Variants in SMG1 observed in about 807,000 individuals in gnomAD.
SMG1 encodes serine/threonine-protein kinase SMG1.
SMG1 carries 22 observed loss-of-function variants against 419.9 expected under a neutral mutation model. That is an observed-to-expected ratio of 0.05 (90% CI 0.04 to 0.07). The LOEUF (loss-of-function observed/expected upper bound fraction) is 0.07. Among genes scored for constraint, SMG1 ranks in the 10% least tolerant of loss-of-function variants. The pLI, the probability that SMG1 is intolerant of heterozygous loss-of-function variation, is 1.00. For missense variants in SMG1, 3,185 were observed against 4,342.0 expected, an observed-to-expected ratio of 0.73 and a Z score of 7.49; for synonymous variants, 1,538 against 1,553.5, an observed-to-expected ratio of 0.99 and a Z score of 0.23.
rs774083734 is a variant in SMG1, at chr16:18,852,100, A to T, written c.5019T>A (p.Leu1673=). The T allele has an allele frequency of 1.8e-5, 29 of 1,613,246 alleles. No homozygotes were observed. The highest frequency in any genetic ancestry group is 2.3e-5 in the Non-Finnish European group (27 of 1,179,690). ...CCGCCGGCCGACACACAGCCTGTCCAAGAATACCATATATTCTCTCTTTCT... is the reference window on the plus strand; with the variant it reads ...CCGCCGGCCGACACACAGCCTGTCCTAGAATACCATATATTCTCTCTTTCT... The part of the protein sequence containing the change: ...EEEKERIYGI[L]GQAVCRPAGI... Residue 1673 remains leucine (L), a synonymous_variant, in exon 33 of 63, where the codon CTT becomes CTA. Coordinates refer to ENST00000446231, the MANE Select transcript of SMG1 (RefSeq NM_015092.5).
chr16:18,843,400 G>A (rs2034038473), intron 39 of SMG1, among the ~76,000 whole-genome samples: 1 of 152,168 alleles, frequency 6.6e-6, no homozygotes, highest in African/African-American at 2.4e-5. Context: ...AATAATCACA[G>A]GGAACAGACT....
intron 3 of SMG1, among the ~76,000 whole-genome samples, chr16:18,894,636 C>A (rs1159765202): frequency 2.8e-5 from 4 of 140,356 alleles, no homozygotes; most frequent in Non-Finnish European, 4.6e-5. Context: ...AAGCTACAGG[C>A]ACAAAGATTT....
chr16:18,855,808 T>C (rs571408037), intron 29 of SMG1, among the ~76,000 whole-genome samples: 1 of 152,328 alleles, frequency 6.6e-6, no homozygotes, highest in Admixed American at 6.5e-5. Context: ...AACTTGCAAT[T>C]GAAGTGACAT....
rs12930909 is a variant in SMG1 at position 18,877,118 on chromosome 16, A to G, written c.1620+13T>C. ...CTCAAGTTGTCAAAATTCATTATCA[A>G]TGTATTACTTACCTCTTTTTCTTTA... On this transcript the variant is annotated intron_variant, in intron 12 of 62. Coordinates refer to ENST00000446231, the MANE Select transcript of SMG1 (RefSeq NM_015092.5). 1.2e-5 allele frequency: 18 copies of G among 1,531,326 alleles called. No homozygotes were observed. Among genetic ancestry groups the G allele is most frequent in the Admixed American group, 1.9e-5 (1 of 52,654 alleles). The allele number at this position is 1,531,326 out of a possible 1,614,324, so 94.9% of individuals were successfully genotyped here. A position where few individuals can be genotyped will look rare whatever the true frequency, so the allele number is the denominator to read the frequency against.
chr16:18,818,402 AT>A (rs976644950), intron 56 of SMG1, among the ~76,000 whole-genome samples: 46 of 148,766 alleles, frequency 3.1e-4, no homozygotes, highest in Non-Finnish European at 5.4e-4. Flanking sequence ...AACAAAAAAA[AT>A]TTTTTTTTTG....
chr16:18,925,597 G>T lies in SMG1; in HGVS notation c.92+353C>A, dbSNP rs376544732. On this transcript the variant is annotated intron_variant, in intron 1 of 62. Transcript: ENST00000446231. ...TGAATGAGTAACAGGGAGGGTCCTG[G>T]ACTCTCAGCATCTCCCAACTCGGGG... The T allele has an allele frequency of 7.8e-4, 211 of 268,980 alleles. 1 individual carries two copies. Among genetic ancestry groups the T allele is most frequent in the South Asian group, 6.4e-3 (82 of 12,788 alleles). The allele number at this position is 268,980 out of a possible 1,614,324, so 16.7% of individuals were successfully genotyped here.
chr16:18,904,569 C>T (rs1340177909), intron 1 of SMG1, among the ~76,000 whole-genome samples: 3 of 151,874 alleles, frequency 2.0e-5, no homozygotes, highest in Admixed American at 2.0e-4. Context: ...ACCCAGGAGG[C>T]AGAGCTTGCA....
rs186353816 is a variant in SMG1 at position 18,829,825 on chromosome 16, T to C, written c.9134-70A>G. ...TAATATGCTGCTTATTTATAGTATTTAAGGTGTCATGAATGTATAATTAAA... is the reference window on the plus strand; with the variant it reads ...TAATATGCTGCTTATTTATAGTATTCAAGGTGTCATGAATGTATAATTAAA... On this transcript the variant is annotated intron_variant, in intron 53 of 62. Transcript: ENST00000446231. The C allele has an allele frequency of 9.3e-5, 135 of 1,459,080 alleles. 2 individuals are homozygous for C. The East Asian group carries it at 3.0e-3, about 32-fold the overall frequency. The allele number at this position is 1,459,080 out of a possible 1,614,324, so 90.4% of individuals were successfully genotyped here.
At chr16:18,861,700 TA>T (rs1485451688) in intron 25 of SMG1, among the ~76,000 whole-genome samples, 1 of 152,220 alleles carries the variant, frequency 6.6e-6, no homozygotes, top group African/African-American at 2.4e-5. Flanking sequence ...TAAAAGGTCC[TA>T]AGTCCTCTCC....
chr16:18,920,434 C>T (rs1315601821), intron 1 of SMG1, among the ~76,000 whole-genome samples: 1 of 148,600 alleles, frequency 6.7e-6, no homozygotes, highest in Non-Finnish European at 1.5e-5. Context: ...CTTAAAGATA[C>T]AATTACTAAG....
intron 5 of SMG1, among the ~76,000 whole-genome samples, chr16:18,890,228 T>C (rs987986474): frequency 1.2e-4 from 18 of 152,206 alleles, no homozygotes; most frequent in Non-Finnish European, 2.5e-4. Context: ...CTCCAAGCAG[T>C]TTCAAATTCT....
At chr16:18,846,613 T>C (rs1596510252) in intron 38 of SMG1, among the ~76,000 whole-genome samples, 1 of 152,018 alleles carries the variant, frequency 6.6e-6, no homozygotes, top group South Asian at 2.1e-4. Flanking sequence ...AATAAACACA[T>C]GAAAGGAAGC....
intron 55 of SMG1, 129 bp from the exon 56 acceptor site, chr16:18,819,783 G>T: frequency 1.1e-6 from 1 of 918,398 alleles, no homozygotes; most frequent in Non-Finnish European, 1.5e-6. Context: ...GAAAACAAAA[G>T]TTTTAACAAT....
In SMG1 at chr16:18,896,096, T is replaced by G. The variant is rs757178922; in HGVS notation, c.368A>C (p.His123Pro). The G allele has an allele frequency of 3.1e-6, 5 of 1,607,332 alleles. No homozygotes were observed. In the South Asian group the frequency reaches 4.4e-5, roughly 14 times the overall value. ...TTTGGTGGCTAAAGCACGACTGCCA[T>G]GCTGAACACTGGTGAACTCAGGGCT... Reference protein sequence around the residue: ...VTSPEFTSVQHGSRALATKDM... With the variant: ...VTSPEFTSVQPGSRALATKDM... Residue 123 changes from histidine to proline, a missense_variant, in exon 3 of 63, where the codon CAT (histidine) becomes CCT (proline). By Grantham distance (77) the His-to-Pro change is moderately conservative. Around this residue, in one of 27 missense-constraint regions of SMG1, gnomAD observed 42 missense variants for 100.1 expected, o/e 0.42. Coordinates refer to ENST00000446231, the MANE Select transcript of SMG1 (RefSeq NM_015092.5).
At chr16:18,857,997 T>G (rs2035007766) in intron 29 of SMG1, 173 bp downstream of exon 29, 4 of 453,890 alleles carry the variant, frequency 8.8e-6, no homozygotes, top group Admixed American at 8.7e-5. Flanking sequence ...CAAGGGAACC[T>G]TCTGGGGTAA....
In SMG1 at chr16:18,869,222, G is replaced by A. The variant is rs2035681249; in HGVS notation, c.2715C>T (p.Leu905=). The change falls in exon 20 of 63, where the codon CTC becomes CTT. Residue 905 remains leucine (L), a synonymous_variant. Coordinates refer to ENST00000446231, the MANE Select transcript of SMG1 (RefSeq NM_015092.5). ...GCCAAAGGACAGCATCTGTCTTCAG[G>A]AGATTGCGTGGAATTGTTGACTGGT... ...KRDQSTIPRN[L]LKTDAVLWQW... 4 of 1,611,782 alleles carry A rather than the reference G, an allele frequency of 2.5e-6. No individual in the cohort carries two copies. The highest frequency in any genetic ancestry group is 3.4e-6 in the Non-Finnish European group (4 of 1,179,686).
intron 39 of SMG1, 30 bp downstream of exon 39, chr16:18,845,399 T>C (rs2034201177): frequency 3.2e-6 from 5 of 1,574,520 alleles, no homozygotes; most frequent in Non-Finnish European, 4.4e-6. Flanking sequence ...GATGTGCCAT[T>C]TCAGTAGCAT....
At chr16:18,916,513 CAAAAAAAAAAAAAA>C (rs59985733) in intron 1 of SMG1, among the ~76,000 whole-genome samples, 1 of 68,926 alleles carries the variant, frequency 1.5e-5, no homozygotes, top group South Asian at 6.9e-4. Context: ...GACTCCATCT[CAAAAAAAAAAAAAA>C]AAAAAAAAAG....
intron 1 of SMG1, among the ~76,000 whole-genome samples, chr16:18,922,547 C>G (rs1218962523): frequency 6.6e-6 from 1 of 152,202 alleles, no homozygotes; most frequent in Non-Finnish European, 1.5e-5. Context: ...TCAGGACAAC[C>G]TCCGCCTCTC....
Sources: allele counts gnomAD v4.1 joint callset (sites outside exome capture counted in the v4.1 genomes callset), GRCh38; gene constraint gnomAD v4.1.1; regional missense constraint gnomAD v4.1.1; transcripts MANE v1.5; gene names NCBI Gene and HGNC (gene_info 2026-07-23, HGNC 2026-07-21).